Variants in CADM2 observed in about 807,000 individuals in gnomAD.
CADM2 encodes the protein immunoglobulin superfamily member 4D.
CADM2 carries 12 observed loss-of-function variants against 49.8 expected under a neutral mutation model. The observed-to-expected ratio is 0.24, with a 90% CI of 0.15 to 0.39. The LOEUF is 0.39. Ranked by LOEUF, CADM2 falls within the 10% of genes least tolerant of loss-of-function variation. The pLI, the probability that CADM2 is intolerant of heterozygous loss-of-function variation, is 1.00. For synonymous variants in CADM2, 214 were observed against 175.4 expected (o/e 1.22, Z -1.74); for missense variants, 378 against 492.3 (o/e 0.77, Z 2.20).
chr3:85,375,878 A>G (rs2033564932), intron 1 of CADM2, among the ~76,000 whole-genome samples: 1 of 152,248 alleles, frequency 6.6e-6, no homozygotes, highest in Non-Finnish European at 1.5e-5. Flanking sequence ...TTTGCACTAG[A>G]GAATAAATGT....
intron 3 of CADM2, among the ~76,000 whole-genome samples, chr3:85,856,678 A>G (rs1478873143): frequency 1.3e-5 from 2 of 152,188 alleles, no homozygotes; most frequent in African/African-American, 4.8e-5. Flanking sequence ...TTTGATATTA[A>G]ATAATATGTT....
At position 85,273,801 on chromosome 3, in the gene CADM2, T is replaced by G. The variant is rs536205295; in HGVS notation, c.61+314133T>G. ...AAGCACATTTTGGAGATACATTTTA[T>G]GAGTCATTTTCACATCTGTGGTAAT... On this transcript the variant is annotated intron_variant, in intron 1 of 9. Coordinates refer to ENST00000383699, the MANE Select transcript of CADM2 (RefSeq NM_001167675.2). Among the ~76,000 whole-genome samples, 4 of 150,716 alleles carry G rather than the reference T, an allele frequency of 2.7e-5. No individual in the cohort carries two copies. In the East Asian group the frequency reaches 7.8e-4, roughly 29 times the overall value.
intron 1 of CADM2, among the ~76,000 whole-genome samples, chr3:85,596,298 C>A (rs1299928118): frequency 1.3e-5 from 2 of 151,748 alleles, no homozygotes. Flanking sequence ...TATACAAAAT[C>A]AGCCATAAAA....
At chr3:85,636,137 C>A (rs894035599) in intron 1 of CADM2, among the ~76,000 whole-genome samples, 14 of 152,150 alleles carry the variant, frequency 9.2e-5, no homozygotes, top group South Asian at 4.1e-4. Flanking sequence ...CAGCCTCAGG[C>A]AAGTCCTTCA....
At chr3:85,178,978 T>C (rs2040856616) in intron 1 of CADM2, among the ~76,000 whole-genome samples, 1 of 151,938 alleles carries the variant, frequency 6.6e-6, no homozygotes, top group Non-Finnish European at 1.5e-5. Flanking sequence ...GAAGAACATT[T>C]TACTTAACAC....
At chr3:85,732,094 C>CAAAAAAAAAAAAAAAAAAA (rs3044020) in intron 2 of CADM2, among the ~76,000 whole-genome samples, 1 of 90,826 alleles carries the variant, frequency 1.1e-5, no homozygotes, top group African/African-American at 4.4e-5. Flanking sequence ...CTAAGAATAC[C>CAAAAAAAAAAAAAAAAAAA]AAAAAAAAAA....
At chr3:86,004,319 G>C (rs1164785232) in intron 8 of CADM2, among the ~76,000 whole-genome samples, 6 of 152,184 alleles carry the variant, frequency 3.9e-5, no homozygotes, top group African/African-American at 1.4e-4. Context: ...CATTGGAAGG[G>C]ATTTGGTGCA....
At chr3:84,981,879 G>T (rs1288682143) in intron 1 of CADM2, among the ~76,000 whole-genome samples, 1 of 152,134 alleles carries the variant, frequency 6.6e-6, no homozygotes, top group Admixed American at 6.6e-5. Context: ...AGTCTACGGG[G>T]TGATCATATT....
intron 1 of CADM2, among the ~76,000 whole-genome samples, chr3:85,185,937 G>C (rs2107713369): frequency 6.6e-6 from 1 of 152,222 alleles, no homozygotes; most frequent in South Asian, 2.1e-4. Flanking sequence ...AGAAATTCTA[G>C]AGCTTTTCGA....
In CADM2 at chr3:85,322,431, G is replaced by A. The variant is rs955307855; in HGVS notation, c.61+362763G>A. ...AGGAATGCTATTTAATTCACAGGCT[G>A]TAATGCTCCTCACAAGAAATCTACA... On this transcript the variant is annotated intron_variant, in intron 1 of 9. Transcript: ENST00000383699. Among the ~76,000 whole-genome samples, 7 of 149,778 alleles carry A rather than the reference G, an allele frequency of 4.7e-5. No homozygotes were observed. In the South Asian group the frequency reaches 1.5e-3, roughly 32 times the overall value.
At chr3:85,664,550 A>G (rs2065506664) in intron 1 of CADM2, among the ~76,000 whole-genome samples, 1 of 151,906 alleles carries the variant, frequency 6.6e-6, no homozygotes, top group Non-Finnish European at 1.5e-5. Context: ...TCCAACACTC[A>G]CTACTTTCCC....
At chr3:85,257,246 A>G (rs866444098) in intron 1 of CADM2, among the ~76,000 whole-genome samples, 16 of 152,240 alleles carry the variant, frequency 1.1e-4, no homozygotes, top group Middle Eastern at 3.4e-3. Context: ...GTAAAGCACC[A>G]AGGAGCAGAA....
intron 8 of CADM2, among the ~76,000 whole-genome samples, chr3:85,982,358 G>T (rs546761686): frequency 6.6e-6 from 1 of 151,414 alleles, no homozygotes; most frequent in South Asian, 2.1e-4. Flanking sequence ...CACACAAAAA[G>T]ATATGAACAA....
chr3:85,284,415 C>T (rs1453972537), intron 1 of CADM2, among the ~76,000 whole-genome samples: 1 of 151,940 alleles, frequency 6.6e-6, no homozygotes, highest in Non-Finnish European at 1.5e-5. Context: ...TGGATGACTG[C>T]TATGGATGAA....
At chr3:85,454,492 A>T (rs1226491595) in intron 1 of CADM2, among the ~76,000 whole-genome samples, 1 of 152,142 alleles carries the variant, frequency 6.6e-6, no homozygotes, top group Non-Finnish European at 1.5e-5. Flanking sequence ...ATCGAAAGCT[A>T]TTACCACTCC....
chr3:85,170,875 T>C (rs1292680043), intron 1 of CADM2, among the ~76,000 whole-genome samples: 2 of 152,156 alleles, frequency 1.3e-5, no homozygotes, highest in East Asian at 3.9e-4. Context: ...GTCAGCTTGG[T>C]AGACCACAAA....
chr3:85,539,715 A>T (rs1306353494), intron 1 of CADM2, among the ~76,000 whole-genome samples: 1 of 152,082 alleles, frequency 6.6e-6, no homozygotes, highest in Non-Finnish European at 1.5e-5. Context: ...TGGATTGGGT[A>T]AGAGAGGTGG....
At chr3:85,995,785 G>A (rs911299489) in intron 8 of CADM2, among the ~76,000 whole-genome samples, 3 of 152,016 alleles carry the variant, frequency 2.0e-5, no homozygotes, top group African/African-American at 7.3e-5. Flanking sequence ...TGGAAGAAAG[G>A]AAGACTTTAA....
chr3:84,985,510 A>G (rs2032499481), intron 1 of CADM2, among the ~76,000 whole-genome samples: 1 of 152,100 alleles, frequency 6.6e-6, no homozygotes, highest in Non-Finnish European at 1.5e-5. Flanking sequence ...TTTTTCAGAG[A>G]GATTTGAATC....
Sources: allele counts gnomAD v4.1 joint callset (sites outside exome capture counted in the v4.1 genomes callset), GRCh38; gene constraint gnomAD v4.1.1; transcripts MANE v1.5; gene names NCBI Gene and HGNC (gene_info 2026-07-23, HGNC 2026-07-21).